OR8B2: variants seen among roughly 807,000 people sequenced by gnomAD.
The protein encoded by OR8B2 is olfactory receptor family 8 subfamily B member 2.
For synonymous variants in OR8B2, 98 were observed against 138.2 expected (o/e 0.71, Z 2.04); for missense variants, 304 against 379.6 (o/e 0.80, Z 1.65).
upstream of OR8B2, among the ~76,000 whole-genome samples, chr11:124,386,766 T>C (rs1393996501): frequency 2.0e-5 from 3 of 152,296 alleles, no homozygotes; most frequent in African/African-American, 7.2e-5. Context: ...CCTTTGGGTA[T>C]ATACCCAGTA....
At position 124,383,177 on chromosome 11, in the gene OR8B2, T is replaced by C. The variant is rs539582158; in HGVS notation, c.167A>G (p.His56Arg). Residue 56 changes from histidine (H) to arginine (R), a missense_variant, in exon 2 of 2, where the codon CAC (histidine) becomes CGC (arginine). His to Arg is a conservative substitution (Grantham distance 29). Transcript: ENST00000641451. ...GAAGAGGAAATAGTACATTGGTGTG[T>C]GGAGGTGAGAATTTAGACCGAAAAG... The part of the protein sequence containing the change: ...ITLFGLNSHL[H>R]TPMYYFLFNL... The C allele has an allele frequency of 6.2e-7, 1 of 1,613,916 alleles. No homozygotes were observed. The highest frequency in any genetic ancestry group is 1.1e-5 in the South Asian group (1 of 91,074).
chr11:124,384,693 C>T (rs1860667211), upstream of OR8B2, among the ~76,000 whole-genome samples: 1 of 152,172 alleles, frequency 6.6e-6, no homozygotes, highest in African/African-American at 2.4e-5. Flanking sequence ...GACCTGATTA[C>T]ATACCAACAG....
At chr11:124,397,160 G>A in the OR8B2 span, 11,308 of 1,611,628 alleles carry the variant, frequency 7.0e-3, 239 homozygotes, top group Admixed American at 0.06. Context: ...AGGAGAGATT[G>A]AAGAGGAAAT....
chr11:124,395,574 G>C, the OR8B2 span: 2 of 152,118 alleles, frequency 1.3e-5, no homozygotes, highest in Non-Finnish European at 1.5e-5. Flanking sequence ...TTAATGTGCA[G>C]TATTTACCTA....
upstream of OR8B2, among the ~76,000 whole-genome samples, chr11:124,387,368 C>T (rs1335492469): frequency 6.6e-6 from 1 of 152,146 alleles, no homozygotes; most frequent in Non-Finnish European, 1.5e-5. Context: ...CCTAGGTTTT[C>T]TTCTAGGGTT....
chr11:124,390,158 A>G, the OR8B2 span, among the ~76,000 whole-genome samples: 2 of 152,150 alleles, frequency 1.3e-5, no homozygotes, highest in Non-Finnish European at 1.5e-5. Context: ...GACCAACCAG[A>G]AGGCCTGATA....
At chr11:124,384,210 C>G (rs470787) in intron 1 of OR8B2, among the ~76,000 whole-genome samples, 164 bp downstream of exon 1, 1 of 152,124 alleles carries the variant, frequency 6.6e-6, no homozygotes, top group Non-Finnish European at 1.5e-5. Flanking sequence ...TATTGCTATC[C>G]TGATACCAGG....
At chr11:124,386,478 A>G (rs1450584110), upstream of OR8B2, among the ~76,000 whole-genome samples, 69 of 137,190 alleles carry the variant, frequency 5.0e-4, 1 homozygote, top group Admixed American at 3.7e-3. Flanking sequence ...TCATTGTTCA[A>G]TTCCCACCTA....
the OR8B2 span, among the ~76,000 whole-genome samples, chr11:124,389,952 A>G: frequency 6.6e-6 from 1 of 152,192 alleles, no homozygotes; most frequent in East Asian, 1.9e-4. Flanking sequence ...AGACTAATAA[A>G]GTGTGGAAAA....
At chr11:124,395,048 G>A in the OR8B2 span, among the ~76,000 whole-genome samples, 1 of 151,748 alleles carries the variant, frequency 6.6e-6, no homozygotes, top group South Asian at 2.1e-4. Flanking sequence ...GATGGTGTGT[G>A]CCTGTACTCC....
the OR8B2 span, chr11:124,397,117 G>C: frequency 6.2e-7 from 1 of 1,613,496 alleles, no homozygotes; most frequent in Non-Finnish European, 8.5e-7. Context: ...AGCATTTTGG[G>C]AGTGAAAACA....
upstream of OR8B2, among the ~76,000 whole-genome samples, chr11:124,388,181 G>T (rs533891845): frequency 7.9e-3 from 1,183 of 150,206 alleles, no homozygotes; most frequent in African/African-American, 0.028. Flanking sequence ...GGGTTTTCTA[G>T]ATATACAATC....
At chr11:124,384,004 T>C (rs1202022891) in intron 1 of OR8B2, among the ~76,000 whole-genome samples, 1 of 152,102 alleles carries the variant, frequency 6.6e-6, no homozygotes, top group African/African-American at 2.4e-5. Flanking sequence ...CAGGTCTTTG[T>C]AGGAAGGCAT....
upstream of OR8B2, among the ~76,000 whole-genome samples, chr11:124,388,501 T>A (rs1022480362): frequency 6.6e-6 from 1 of 152,134 alleles, no homozygotes; most frequent in Admixed American, 6.5e-5. Flanking sequence ...CCAGTTGCAT[T>A]TCTAGAACAA....
upstream of OR8B2, among the ~76,000 whole-genome samples, chr11:124,387,177 G>A (rs1860716580): frequency 1.7e-5 from 2 of 114,538 alleles, no homozygotes; most frequent in Admixed American, 1.7e-4. Context: ...CACATGAGTA[G>A]GTTGCGAAAA....
the OR8B2 span, among the ~76,000 whole-genome samples, chr11:124,390,507 C>T: frequency 2.0e-5 from 3 of 152,210 alleles, no homozygotes; most frequent in Non-Finnish European, 4.4e-5. Context: ...AGAAAGTTTA[C>T]GAATTTGTGT....
Position 124,382,966 on chromosome 11 carries a change from G to A in OR8B2, c.378C>T (p.Ile126=). ...TGACCTTATACAGCAATGGATTACA[G>A]ATGGCCACATAGCGATCATATGCCA... ...TSMAYDRYVA[I]CNPLLYKVTM... Residue 126 remains isoleucine, a synonymous_variant, in exon 2 of 2, where the codon ATC becomes ATT. Transcript: ENST00000641451. 2 of 1,611,854 alleles carry A rather than the reference G, an allele frequency of 1.2e-6. No homozygotes were observed. Among genetic ancestry groups the A allele is most frequent in the Non-Finnish European group, 1.7e-6 (2 of 1,178,290 alleles).
the OR8B2 span, chr11:124,396,546 T>C: frequency 1.2e-6 from 2 of 1,613,856 alleles, no homozygotes; most frequent in East Asian, 4.5e-5. Context: ...AACTTTTCCC[T>C]GCTCCATAGA....
chr11:124,391,645 A>G, the OR8B2 span, among the ~76,000 whole-genome samples: 8 of 152,214 alleles, frequency 5.3e-5, no homozygotes, highest in African/African-American at 1.9e-4. Flanking sequence ...AAAAGAGTCC[A>G]GGACCAGATG....
Sources: allele counts gnomAD v4.1 joint callset (sites outside exome capture counted in the v4.1 genomes callset), GRCh38; gene constraint gnomAD v4.1.1; transcripts MANE v1.5; gene names NCBI Gene and HGNC (gene_info 2026-07-23, HGNC 2026-07-21).